Variants in HRNR observed in about 807,000 individuals in gnomAD.
HRNR encodes the protein filaggrin family member 3.
HRNR carries 7 observed loss-of-function variants against 4.8 expected under a neutral mutation model. The observed-to-expected ratio is 1.47, with a 90% confidence interval of 0.83 to 2.75. HRNR has a LOEUF of 2.75. Ranked by LOEUF, HRNR falls within the 30% of genes most tolerant of loss-of-function variation. The pLI is 0.00. For synonymous variants in HRNR, 1,023 were observed against 1,242.7 expected (o/e 0.82, Z 3.72); for missense variants, 2,879 against 3,010.4 (o/e 0.96, Z 1.02).
In HRNR at chr1:152,223,125, T is replaced by C. The variant is rs1649056823; in HGVS notation, c.129A>G (p.Gln43=). ...GGCGTGGAGTTCTTACCTTCAGAAT[T>C]TGATGAAACTCATTTTCCAGAAGTT... ...LKELLENEFH[Q]ILKNPNDPDT... The change falls in exon 2 of 3, where the codon CAA becomes CAG. Residue 43 remains glutamine (Q), a synonymous_variant. Transcript: ENST00000368801. 8.1e-6 allele frequency: 13 copies of C among 1,613,694 alleles called. No homozygotes were observed. Among genetic ancestry groups the C allele is most frequent in the Non-Finnish European group, 1.1e-5 (13 of 1,179,780 alleles).
chr1:152,220,215 A>C lies in HRNR; in HGVS notation c.1414T>G (p.Ser472Ala). The change falls in exon 3 of 3, where the codon TCA (serine) becomes GCA (alanine). Residue 472 changes from serine to alanine, a missense_variant. Coordinates refer to ENST00000368801, the MANE Select transcript of HRNR (RefSeq NM_001009931.3). ...TGAGTGTAACCAGAGGAATGCTCTG[A>C]GCTAGACTCGTGGTGACCAAAGCCA... Reference protein sequence around the residue: ...SSGFGHHESSSEHSSGYTQHG... With the variant: ...SSGFGHHESSAEHSSGYTQHG... 6.2e-7 allele frequency: 1 copy of C among 1,613,748 alleles called. No individual in the cohort carries two copies. The highest frequency in any genetic ancestry group is 1.1e-5 in the South Asian group (1 of 91,056).
chr1:152,218,571 G>T lies in HRNR; in HGVS notation c.3058C>A (p.Gln1020Lys), dbSNP rs1047853986. The T allele has an allele frequency of 2.5e-6, 4 of 1,613,838 alleles. No individual in the cohort carries two copies. The highest frequency in any genetic ancestry group is 2.5e-6 in the Non-Finnish European group (3 of 1,179,952). Residue 1020 changes from glutamine to lysine, a missense_variant, in exon 3 of 3, where the codon CAG becomes AAG. Physicochemically the swap from Gln to Lys is moderately conservative, Grantham distance 53. Transcript: ENST00000368801. Reference sequence around the variant, plus strand: ...CTATATGGGCCATAGCTGGAAGACTGCCCGGAACCAGACCCATGTCGGCCA... The same window carrying T: ...CTATATGGGCCATAGCTGGAAGACTTCCCGGAACCAGACCCATGTCGGCCA... The part of the protein sequence containing the change: ...SRGRHGSGSG[Q>K]SSSYGPYRSG...
chr1:152,223,361 T>C, intron 1 of HRNR, 83 bp from the exon 2 acceptor site: 1 of 819,276 alleles, frequency 1.2e-6, no homozygotes, highest in Non-Finnish European at 1.8e-6. Flanking sequence ...TTATTTATAA[T>C]AATTGTTCAG....
In HRNR at chr1:152,220,294, G is replaced by T. The variant is rs754254732; in HGVS notation, c.1335C>A (p.Gly445=). ...QSPSSGQHGT[G]FGRSSSSGPY... ...GGCCACTGCTGGAAGATCGACCAAA[G>T]CCAGTCCCATGTTGGCCGGAGCTGG... The change falls in exon 3 of 3, where the codon GGC becomes GGA. Residue 445 remains glycine, a synonymous_variant. Coordinates refer to ENST00000368801, the MANE Select transcript of HRNR (RefSeq NM_001009931.3). 1.9e-6 allele frequency: 3 copies of T among 1,613,908 alleles called. No homozygotes were observed. Among genetic ancestry groups the T allele is most frequent in the Non-Finnish European group, 1.7e-6 (2 of 1,179,976 alleles).
intron 2 of HRNR, among the ~76,000 whole-genome samples, chr1:152,221,965 A>T (rs758163449): frequency 2.7e-5 from 4 of 149,706 alleles, no homozygotes; most frequent in Non-Finnish European, 6.0e-5. Context: ...TGGAATTTAA[A>T]GTTTAGTTGG....
chr1:152,220,663 G>A lies in HRNR; in HGVS notation c.966C>T (p.His322=), dbSNP rs373322403. ...AACTTGAGCCAGACCCGTGTTGGCC[G>A]TGGCTGGAGGAGTGCCCCGAACCGG... ...HGSGSGHSSS[H]GQHGSGSSYS... Residue 322 remains histidine (H), a synonymous_variant, in exon 3 of 3, where the codon CAC becomes CAT. Coordinates refer to ENST00000368801, the MANE Select transcript of HRNR (RefSeq NM_001009931.3). The A allele has an allele frequency of 3.6e-5, 58 of 1,611,704 alleles. 1 individual carries two copies. The highest frequency in any genetic ancestry group is 2.1e-4 in the African/African-American group (16 of 74,722).
In HRNR at chr1:152,223,215, A is replaced by G. The variant is rs1557847454; in HGVS notation, c.39T>C (p.Asp13=). The G allele has an allele frequency of 8.7e-6, 14 of 1,613,462 alleles. No individual in the cohort carries two copies. Among genetic ancestry groups the G allele is most frequent in the African/African-American group, 2.7e-5 (2 of 74,932 alleles). ...KLLQGVITVI[D]VFYQYATQHG... ...GCTGGGTGGCATATTGGTAGAAAAC[A>G]TCGATGACAGTGATGACGCCTTGTA... is the stretch of plus-strand genomic sequence containing the variant. Residue 13 remains aspartate, a synonymous_variant, in exon 2 of 3, where the codon GAT becomes GAC. Transcript: ENST00000368801.
At position 152,218,527 on chromosome 1, in the gene HRNR, A is replaced by C; in HGVS notation, c.3102T>G (p.Ser1034=). Residue 1034 remains serine (S), a synonymous_variant, in exon 3 of 3, where the codon TCT becomes TCG. Transcript: ENST00000368801. ...YGPYRSGSGW[S]SSRGPYESGS... is the part of the protein sequence containing the mutation. Reference sequence around the variant, plus strand: ...CAGACTCATATGGGCCACGGCTTGAAGACCACCCTGAGCCAGACCTATATG... The same window carrying C: ...CAGACTCATATGGGCCACGGCTTGACGACCACCCTGAGCCAGACCTATATG... 3.7e-6 allele frequency: 6 copies of C among 1,613,774 alleles called. No individual in the cohort carries two copies. Among genetic ancestry groups the C allele is most frequent in the Non-Finnish European group, 5.1e-6 (6 of 1,179,960 alleles).
At position 152,219,392 on chromosome 1, in the gene HRNR, G is replaced by T. The variant is rs779974033; in HGVS notation, c.2237C>A (p.Ser746Ter). The T allele has an allele frequency of 2.9e-5, 47 of 1,613,976 alleles. No homozygotes were observed. The highest frequency in any genetic ancestry group is 4.0e-5 in the Non-Finnish European group (47 of 1,180,022). ...CTGACCATAGCTGGAAGACAAACCT[G>T]AGCTAGATCCGTGTTGTTCACTCCT... ...SSRSEQHGSSSGLSSSYGQHG... is the reference protein window; with the variant it reads ...SSRSEQHGSS Residue 746 changes from serine (S) to a stop codon, truncating the protein, a stop_gained, in exon 3 of 3, where the codon TCA (serine) becomes TAA (stop). Transcript: ENST00000368801. LOFTEE classifies it low-confidence loss of function (END_TRUNC).
chr1:152,213,135 G>A lies in HRNR; in HGVS notation c.8494C>T (p.Pro2832Ser), dbSNP rs201408872. 78 of 1,613,960 alleles carry A rather than the reference G, an allele frequency of 4.8e-5. No homozygotes were observed. In the South Asian group the frequency reaches 5.8e-4, roughly 12 times the overall value. ...GSSGSYFLSF[P>S]SSTSPYEYVQ... ...TATTCATAGGGTGAAGTGCTACTAG[G>A]AAAACTGAGAAAATATGAGCCAGAA... is the stretch of plus-strand genomic sequence containing the variant. Residue 2832 changes from proline (P) to serine (S), a missense_variant, in exon 3 of 3, where the codon CCT becomes TCT. Pro to Ser is a moderately conservative substitution (Grantham distance 74). Coordinates refer to ENST00000368801, the MANE Select transcript of HRNR (RefSeq NM_001009931.3).
In HRNR at chr1:152,219,395, C is replaced by G. The variant is rs768475557; in HGVS notation, c.2234G>C (p.Ser745Thr). 12 of 1,613,840 alleles carry G rather than the reference C, an allele frequency of 7.4e-6. No individual in the cohort carries two copies. The highest frequency in any genetic ancestry group is 2.2e-5 in the South Asian group (2 of 91,072). ...ACCATAGCTGGAAGACAAACCTGAG[C>G]TAGATCCGTGTTGTTCACTCCTAGA... is the stretch of plus-strand genomic sequence containing the variant. Reference protein sequence around the residue: ...QSSRSEQHGSSSGLSSSYGQH... With the variant: ...QSSRSEQHGSTSGLSSSYGQH... The change falls in exon 3 of 3, where the codon AGC becomes ACC. Residue 745 changes from serine (S) to threonine (T), a missense_variant. Coordinates refer to ENST00000368801, the MANE Select transcript of HRNR (RefSeq NM_001009931.3).
chr1:152,218,576 G>A lies in HRNR; in HGVS notation c.3053C>T (p.Ser1018Phe). ...SPSRGRHGSG[S>F]GQSSSYGPYR... The stretch of plus-strand genomic sequence containing the variant: ...TGGGCCATAGCTGGAAGACTGCCCG[G>A]AACCAGACCCATGTCGGCCACGGCT... The change falls in exon 3 of 3, where the codon TCC becomes TTC. Residue 1018 changes from serine to phenylalanine, a missense_variant. By Grantham distance (155) the Ser-to-Phe change is radical. Transcript: ENST00000368801. 1 of 1,613,700 alleles carries A rather than the reference G, an allele frequency of 6.2e-7. No homozygotes were observed. Among genetic ancestry groups the A allele is most frequent in the Non-Finnish European group, 8.5e-7 (1 of 1,179,930 alleles).
In HRNR at chr1:152,213,030, T is replaced by G. The variant is rs1474822524; in HGVS notation, c.*46A>C. On this transcript the variant is annotated 3_prime_UTR_variant, in exon 3 of 3. Transcript: ENST00000368801. Reference sequence around the variant, plus strand: ...ATGATGAATTCATAGATGACTTTCCTATTTCTTAAATTGCTACTTGAGTAA... The same window carrying G: ...ATGATGAATTCATAGATGACTTTCCGATTTCTTAAATTGCTACTTGAGTAA... The G allele has an allele frequency of 1.3e-6, 2 of 1,571,004 alleles. No individual in the cohort carries two copies. The highest frequency in any genetic ancestry group is 8.6e-7 in the Non-Finnish European group (1 of 1,159,948).
At position 152,221,482 on chromosome 1, in the gene HRNR, G is replaced by T; in HGVS notation, c.147C>A (p.Asn49Lys). ...NEFHQILKNPNDPDTVDIILQ... is the reference protein window; with the variant it reads ...NEFHQILKNPKDPDTVDIILQ... Reference sequence around the variant, plus strand: ...AGATGATATCCACAGTATCTGGATCGTTTGGATTCTGTATAAGAGAAAGGT... The same window carrying T: ...AGATGATATCCACAGTATCTGGATCTTTTGGATTCTGTATAAGAGAAAGGT... The change falls in exon 3 of 3, where the codon AAC (asparagine) becomes AAA (lysine). Residue 49 changes from asparagine (N) to lysine (K), a missense_variant. Transcript: ENST00000368801. 6.3e-7 allele frequency: 1 copy of T among 1,596,238 alleles called. No individual in the cohort carries two copies. Among genetic ancestry groups the T allele is most frequent in the South Asian group, 1.1e-5 (1 of 87,820 alleles).
In HRNR at chr1:152,223,087, A is replaced by G. The variant is rs112640735; in HGVS notation, c.138+29T>C. The G allele has an allele frequency of 3.7e-4, 599 of 1,609,952 alleles. 13 individuals carry two copies. In the African/African-American group the frequency reaches 5.7e-3, roughly 15 times the overall value. Reference sequence around the variant, plus strand: ...AAGGGATAAAGAAGAAAATTCCTGCATAACTCCATCCTGGCGTGGAGTTCT... The same window carrying G: ...AAGGGATAAAGAAGAAAATTCCTGCGTAACTCCATCCTGGCGTGGAGTTCT... On this transcript the variant is annotated intron_variant, in intron 2 of 2. Coordinates refer to ENST00000368801, the MANE Select transcript of HRNR (RefSeq NM_001009931.3).
At position 152,218,345 on chromosome 1, in the gene HRNR, C is replaced by G. The variant is rs545742826; in HGVS notation, c.3284G>C (p.Ser1095Thr). Residue 1095 changes from serine to threonine, a missense_variant, in exon 3 of 3, where the codon AGC (serine) becomes ACC (threonine). Ser to Thr is a moderately conservative substitution (Grantham distance 58). Coordinates refer to ENST00000368801, the MANE Select transcript of HRNR (RefSeq NM_001009931.3). ...QSSSCGQHGA[S>T]SGQSSSHGQH... ...ACCGTGGCTGGAAGACTGACCTGAG[C>G]TAGCTCCATGTTGGCCACAGCTCGA... 32 of 1,611,172 alleles carry G rather than the reference C, an allele frequency of 2.0e-5. No homozygotes were observed. The highest frequency in any genetic ancestry group is 1.7e-4 in the Middle Eastern group (1 of 6,044).
In HRNR at chr1:152,218,795, G is replaced by T. The variant is rs757006784; in HGVS notation, c.2834C>A (p.Thr945Asn). 3 of 1,613,056 alleles carry T rather than the reference G, an allele frequency of 1.9e-6. No individual in the cohort carries two copies. The highest frequency in any genetic ancestry group is 2.5e-6 in the Non-Finnish European group (3 of 1,179,736). Residue 945 changes from threonine (T) to asparagine (N), a missense_variant, in exon 3 of 3, where the codon ACT becomes AAT. Thr to Asn is a moderately conservative substitution (Grantham distance 65, BLOSUM62 0). Around this residue, in one of 8 missense-constraint regions of HRNR, gnomAD observed 2,646 missense variants for 1,377.7 expected, o/e 1.92. Transcript: ENST00000368801. ...GTGACCTGAGCCAGATCCATGCTGA[G>T]TGTAACCAGAGGACTGCCCTGAGCT... Reference protein sequence around the residue: ...KSSSGQSSGYTQHGSGSGHSS... With the variant: ...KSSSGQSSGYNQHGSGSGHSS...
rs763208444 is a variant in HRNR at position 152,213,336 on chromosome 1, C to T, written c.8293G>A (p.Gly2765Arg). Residue 2765 changes from glycine (G) to arginine (R), a missense_variant, in exon 3 of 3, where the codon GGA becomes AGA. Transcript: ENST00000368801. The part of the protein sequence containing the change: ...QSSGYGRHGA[G>R]SGQSLSHGRH... Reference sequence around the variant, plus strand: ...CCGTGGCTAAGAGACTGGCCAGATCCAGCCCCATGTCGGCCATAGCCAGAA... The same window carrying T: ...CCGTGGCTAAGAGACTGGCCAGATCTAGCCCCATGTCGGCCATAGCCAGAA... The T allele has an allele frequency of 4.5e-6, 3 of 659,986 alleles. 1 individual carries two copies. Among genetic ancestry groups the T allele is most frequent in the South Asian group, 1.7e-5 (1 of 60,092 alleles). 40.9% of individuals were successfully genotyped at this position (659,986 alleles called of 1,614,324 possible).
Position 152,219,979 on chromosome 1 carries a change from A to C in HRNR, c.1650T>G (p.Ser550=). 6.2e-7 allele frequency: 1 copy of C among 1,613,290 alleles called. No individual in the cohort carries two copies. The highest frequency in any genetic ancestry group is 8.5e-7 in the Non-Finnish European group (1 of 1,179,800). ...CATAGCTGGAAGACTGCCTGGAACC[A>C]GACTCATGTCGGCCACGGCTAGGGC... ...SPSPSRGRHE[S]GSRQSSSYGP... is the part of the protein sequence containing the mutation. The change falls in exon 3 of 3, where the codon TCT becomes TCG. Residue 550 remains serine (S), a synonymous_variant. Coordinates refer to ENST00000368801, the MANE Select transcript of HRNR (RefSeq NM_001009931.3).
Sources: allele counts gnomAD v4.1 joint callset (sites outside exome capture counted in the v4.1 genomes callset), GRCh38; gene constraint gnomAD v4.1.1; regional missense constraint gnomAD v4.1.1; transcripts MANE v1.5; gene names NCBI Gene and HGNC (gene_info 2026-07-23, HGNC 2026-07-21).